FAF1: variants seen among roughly 807,000 people sequenced by gnomAD.
The protein encoded by FAF1 is FAS-associated factor 1.
A neutral mutation model predicts 92.5 loss-of-function variants in FAF1; 25 were observed. The observed-to-expected ratio is 0.27, with a 90% confidence interval of 0.20 to 0.38. The LOEUF is 0.38. Among genes scored for constraint, FAF1 ranks in the 10% least tolerant of loss-of-function variants. The pLI, the probability that FAF1 is intolerant of heterozygous loss-of-function variation, is 1.00. For missense variants in FAF1, 636 were observed against 793.3 expected (o/e 0.80, Z 2.38); for synonymous variants, 234 against 273.2 (o/e 0.86, Z 1.42).
At chr1:50,743,667 T>C (rs992334266) in intron 5 of FAF1, among the ~76,000 whole-genome samples, 7 of 152,162 alleles carry the variant, frequency 4.6e-5, no homozygotes, top group Non-Finnish European at 7.3e-5. Context: ...GCCATTAAAA[T>C]GACCCAGTAA....
intron 4 of FAF1, among the ~76,000 whole-genome samples, chr1:50,767,508 A>T (rs533934034): frequency 1.3e-5 from 2 of 152,296 alleles, no homozygotes; most frequent in Admixed American, 1.3e-4. Flanking sequence ...CAAGACACAT[A>T]GTCTTCAGAT....
chr1:50,875,817 C>G (rs185837313), intron 1 of FAF1, among the ~76,000 whole-genome samples: 2 of 152,130 alleles, frequency 1.3e-5, no homozygotes, highest in African/African-American at 4.8e-5. Context: ...AACTTACCCC[C>G]CTAACTGAAA....
chr1:50,682,494 A>G (rs1365679221), intron 7 of FAF1, among the ~76,000 whole-genome samples: 1 of 152,198 alleles, frequency 6.6e-6, no homozygotes, highest in Non-Finnish European at 1.5e-5. Context: ...AATAAAACCA[A>G]CAAATATGCA....
rs141788843 is a variant in FAF1 at position 50,442,245 on chromosome 1, G to A, written c.1870-722C>T. 3.4e-3 allele frequency among the ~76,000 whole-genome samples: 525 copies of A among 152,186 alleles called. 2 individuals are homozygous for A. The highest frequency in any genetic ancestry group is 0.01 in the Middle Eastern group (3 of 294). On this transcript the variant is annotated intron_variant, in intron 18 of 18. Transcript: ENST00000396153. ...GGACATGAAGGTCTTCTGAATCTGC[G>A]AGTGAGAGAAGAAACAAAACTTTCC...
intron 1 of FAF1, among the ~76,000 whole-genome samples, chr1:50,878,136 C>T (rs1354179615): frequency 6.6e-6 from 1 of 152,212 alleles, no homozygotes; most frequent in Non-Finnish European, 1.5e-5. Flanking sequence ...CAAAAGACCA[C>T]CCAGTCTGTG....
At chr1:50,517,191 A>T (rs1255668460) in intron 15 of FAF1, among the ~76,000 whole-genome samples, 2 of 152,208 alleles carry the variant, frequency 1.3e-5, no homozygotes, top group Non-Finnish European at 2.9e-5. Flanking sequence ...AGAATTCAAA[A>T]TCATTTGCAA....
At chr1:50,685,416 T>C (rs1334869553) in intron 7 of FAF1, among the ~76,000 whole-genome samples, 1 of 152,194 alleles carries the variant, frequency 6.6e-6, no homozygotes, top group African/African-American at 2.4e-5. Context: ...GGTAAACTAC[T>C]GCTATAGTAT....
intron 4 of FAF1, among the ~76,000 whole-genome samples, chr1:50,786,182 C>T (rs10788931): frequency 0.99 from 150,922 of 152,206 alleles, 74,839 homozygotes; most frequent in East Asian, 1. Flanking sequence ...TTATTCACAA[C>T]AGCCAAAAGG....
At chr1:50,783,650 G>A (rs1259063509) in intron 4 of FAF1, among the ~76,000 whole-genome samples, 1 of 152,210 alleles carries the variant, frequency 6.6e-6, no homozygotes, top group African/African-American at 2.4e-5. Context: ...GAGGTGGGCG[G>A]ATCACTTGAG....
intron 2 of FAF1, among the ~76,000 whole-genome samples, chr1:50,848,829 A>G (rs543003327): frequency 6.6e-6 from 1 of 152,358 alleles, no homozygotes; most frequent in South Asian, 2.1e-4. Context: ...TGGCTGAAGA[A>G]TCAGCACAAG....
chr1:50,650,755 C>T (rs1299475124), intron 8 of FAF1, among the ~76,000 whole-genome samples: 2 of 152,122 alleles, frequency 1.3e-5, no homozygotes, highest in Non-Finnish European at 2.9e-5. Flanking sequence ...AAACATAATT[C>T]ACAGTGTTAA....
chr1:50,490,435 G>A (rs186442734), intron 17 of FAF1, among the ~76,000 whole-genome samples, 153 bp downstream of exon 17: 27 of 120,888 alleles, frequency 2.2e-4, no homozygotes, highest in African/African-American at 6.8e-4. Context: ...AAGGAAGGAA[G>A]GAAGGAAGGA....
intron 2 of FAF1, among the ~76,000 whole-genome samples, chr1:50,810,092 C>T (rs1183078778): frequency 6.6e-6 from 1 of 152,052 alleles, no homozygotes; most frequent in Non-Finnish European, 1.5e-5. Context: ...CCCATCTCTA[C>T]TGAAAATACA....
intron 1 of FAF1, among the ~76,000 whole-genome samples, chr1:50,930,483 T>G (rs1351174163): frequency 6.6e-6 from 1 of 152,222 alleles, no homozygotes; most frequent in African/African-American, 2.4e-5. Flanking sequence ...TGAGTCTCAG[T>G]GTTCTCACTC....
chr1:50,753,752 C>A (rs1336043748), intron 4 of FAF1, among the ~76,000 whole-genome samples: 3 of 147,676 alleles, frequency 2.0e-5, no homozygotes, highest in Non-Finnish European at 4.5e-5. Context: ...ATGTCATTAT[C>A]TGTTCTTTTT....
intron 4 of FAF1, among the ~76,000 whole-genome samples, chr1:50,763,157 C>CTG (rs1660402589): frequency 6.6e-6 from 1 of 152,100 alleles, no homozygotes; most frequent in Non-Finnish European, 1.5e-5. Context: ...ACTCGGGTGG[C>CTG]TGAGGCAGGA....
intron 1 of FAF1, among the ~76,000 whole-genome samples, chr1:50,889,816 T>C (rs1644703934): frequency 6.6e-6 from 1 of 152,218 alleles, no homozygotes; most frequent in Non-Finnish European, 1.5e-5. Flanking sequence ...AAGTGTGATG[T>C]GGTGCTGAGA....
At chr1:50,766,618 A>G (rs976565474) in intron 4 of FAF1, among the ~76,000 whole-genome samples, 17 of 152,050 alleles carry the variant, frequency 1.1e-4, no homozygotes, top group African/African-American at 4.1e-4. Context: ...GCTGGACCAA[A>G]GGGGTAGGAA....
At chr1:50,574,898 CTTTTTTTTTTT>C (rs891527014) in intron 12 of FAF1, among the ~76,000 whole-genome samples, 14 of 71,446 alleles carry the variant, frequency 2.0e-4, no homozygotes, top group East Asian at 1.3e-3. Flanking sequence ...TGTATTAACT[CTTTTTTTTTTT>C]TTTTTTTTTT....
Sources: allele counts gnomAD v4.1 joint callset (sites outside exome capture counted in the v4.1 genomes callset), GRCh38; gene constraint gnomAD v4.1.1; transcripts MANE v1.5; gene names NCBI Gene and HGNC (gene_info 2026-07-23, HGNC 2026-07-21).